The following ZBTB40 variants were observed in gnomAD, a reference collection of about 807,000 sequenced individuals.
ZBTB40 encodes the protein zinc finger and BTB domain containing 40, also known as zinc finger and BTB domain-containing protein 40.
Under a neutral mutation model 117.5 loss-of-function variants are expected in ZBTB40, and 60 were observed. That is an observed-to-expected ratio of 0.51 (90% CI 0.41 to 0.63). The LOEUF (loss-of-function observed/expected upper bound fraction) is 0.63. Ranked by LOEUF, ZBTB40 falls within the 30% of genes least tolerant of loss-of-function variation. The probability of loss-of-function intolerance (pLI) is 0.00; values close to 1 mark genes in which losing one functional copy is unlikely to be tolerated. For missense variants in ZBTB40, 1,287 were observed against 1,498.5 expected, an observed-to-expected ratio of 0.86 and a Z score of 2.33; for synonymous variants, 525 against 577.1, an observed-to-expected ratio of 0.91 and a Z score of 1.29.
intron 3 of ZBTB40, among the ~76,000 whole-genome samples, chr1:22,495,325 G>T (rs1638743642): frequency 6.6e-6 from 1 of 152,174 alleles, no homozygotes; most frequent in South Asian, 2.1e-4. Context: ...AAATCTCTTG[G>T]GTGCTGGGAT....
chr1:22,473,314 G>T (rs1641457573), intron 1 of ZBTB40, among the ~76,000 whole-genome samples: 1 of 152,110 alleles, frequency 6.6e-6, no homozygotes, highest in Non-Finnish European at 1.5e-5. Flanking sequence ...TGGATAAAGG[G>T]CATGAGCTTT....
upstream of ZBTB40, among the ~76,000 whole-genome samples, chr1:22,449,616 G>A (rs1640831691): frequency 6.6e-6 from 1 of 152,196 alleles, no homozygotes; most frequent in Non-Finnish European, 1.5e-5. Context: ...GTTGGGAGAT[G>A]TCTAAAACAA....
In ZBTB40 at chr1:22,512,059, G is replaced by A. The variant is rs756015752; in HGVS notation, c.2386G>A (p.Asp796Asn). The change falls in exon 11 of 18, where the codon GAT (aspartate) becomes AAT (asparagine). Residue 796 changes from aspartate to asparagine, a missense_variant. Coordinates refer to ENST00000375647, the MANE Select transcript of ZBTB40 (RefSeq NM_014870.4). ...LEAHGAGGEP[D>N]APKKKKKRLP... ...GGCCCATGGTGCAGGTGGAGAGCCC[G>A]ATGCCCCCAAGAAGAAGAAGAAGAG... 1.5e-5 allele frequency: 25 copies of A among 1,613,954 alleles called. No homozygotes were observed. Among genetic ancestry groups the A allele is most frequent in the Middle Eastern group, 1.7e-4 (1 of 5,972 alleles).
At chr1:22,467,994 C>T (rs368342917) in intron 1 of ZBTB40, among the ~76,000 whole-genome samples, 17 of 150,714 alleles carry the variant, frequency 1.1e-4, no homozygotes, top group African/African-American at 3.9e-4. Flanking sequence ...GAGGCTGATG[C>T]GGGAGGATTG....
intron 1 of ZBTB40, among the ~76,000 whole-genome samples, chr1:22,433,456 A>AAAAAAAAAAAT (rs1287606502): frequency 7.2e-6 from 1 of 139,700 alleles, no homozygotes; most frequent in Non-Finnish European, 1.6e-5. Flanking sequence ...AAAAAAAAAA[A>AAAAAAAAAAAT]AGACAGCTAA....
intron 1 of ZBTB40, among the ~76,000 whole-genome samples, chr1:22,468,114 T>C (rs1298862342): frequency 1.3e-5 from 2 of 151,116 alleles, no homozygotes; most frequent in African/African-American, 2.4e-5. Flanking sequence ...GAAAAGAAGC[T>C]AATACTTATT....
chr1:22,509,349 T>C (rs1639168455), intron 9 of ZBTB40, 116 bp downstream of exon 9: 2 of 1,469,880 alleles, frequency 1.4e-6, no homozygotes, highest in Non-Finnish European at 1.9e-6. Flanking sequence ...TTCTTTTTTT[T>C]TCCTTTTTCT....
At position 22,509,074 on chromosome 1, in the gene ZBTB40, G is replaced by A. The variant is rs1159203160; in HGVS notation, c.1700-26G>A. ...AAATGGTGCTCATTGTTTGCCTAAT[G>A]AGTTTTTGATCCCCCTTTTTTTCAG... is the stretch of plus-strand genomic sequence containing the variant. On this transcript the variant is annotated intron_variant, in intron 8 of 17. Coordinates refer to ENST00000375647, the MANE Select transcript of ZBTB40 (RefSeq NM_014870.4). 5.0e-6 allele frequency: 8 copies of A among 1,613,964 alleles called. No individual in the cohort carries two copies. The Admixed American group carries it at 1.3e-4, about 27-fold the overall frequency.
At chr1:22,436,703 A>C (rs1057398440) in intron 1 of ZBTB40, among the ~76,000 whole-genome samples, 1 of 152,090 alleles carries the variant, frequency 6.6e-6, no homozygotes, top group East Asian at 1.9e-4. Context: ...ATACACCTCA[A>C]CTACGTTATG....
intron 1 of ZBTB40, among the ~76,000 whole-genome samples, chr1:22,460,312 G>A (rs2124387885): frequency 6.6e-6 from 1 of 152,172 alleles, no homozygotes; most frequent in South Asian, 2.1e-4. Context: ...TTGATTCACT[G>A]GGTCATAGTA....
intron 1 of ZBTB40, among the ~76,000 whole-genome samples, chr1:22,453,648 T>G (rs1261849067): frequency 1.3e-5 from 2 of 152,238 alleles, no homozygotes; most frequent in African/African-American, 4.8e-5. Context: ...TACTATGACA[T>G]AAGTAGTATT....
At position 22,502,451 on chromosome 1, in the gene ZBTB40, T is replaced by C. The variant is rs1638963295; in HGVS notation, c.1167+10T>C. On this transcript the variant is annotated intron_variant, in intron 5 of 17. Coordinates refer to ENST00000375647, the MANE Select transcript of ZBTB40 (RefSeq NM_014870.4). ...TGGCACTGAAAAAAGGGTAACTGTG[T>C]CAAGTGTCTCCTCCCTCCTCCTGAA... is the stretch of plus-strand genomic sequence containing the variant. 1 of 1,613,854 alleles carries C rather than the reference T, an allele frequency of 6.2e-7. No individual in the cohort carries two copies. Among genetic ancestry groups the C allele is most frequent in the South Asian group, 1.1e-5 (1 of 91,076 alleles).
At chr1:22,499,080 G>T (rs1638856215) in intron 3 of ZBTB40, among the ~76,000 whole-genome samples, 1 of 152,238 alleles carries the variant, frequency 6.6e-6, no homozygotes, top group African/African-American at 2.4e-5. Flanking sequence ...TGCAGTCAAG[G>T]TGTCAGCCAG....
chr1:22,485,408 G>A (rs1638438567), intron 1 of ZBTB40, among the ~76,000 whole-genome samples: 1 of 151,974 alleles, frequency 6.6e-6, no homozygotes, highest in Non-Finnish European at 1.5e-5. Context: ...ATTTTATTTA[G>A]GTTATATTTG....
intron 1 of ZBTB40, among the ~76,000 whole-genome samples, chr1:22,430,437 A>T (rs904666749): frequency 5.3e-5 from 8 of 152,278 alleles, no homozygotes; most frequent in African/African-American, 1.7e-4. Context: ...ACAAATTTTT[A>T]AAAATTAGCT....
Position 22,522,573 on chromosome 1 carries a change from G to A in ZBTB40, c.3298+110G>A, listed in dbSNP as rs1639561243. The stretch of plus-strand genomic sequence containing the variant: ...AAATCGCTTAACAAACCTGTGCCTC[G>A]GTTTCTTCATCTATAAAATGGGAAC... On this transcript the variant is annotated intron_variant, in intron 16 of 17. Coordinates refer to ENST00000375647, the MANE Select transcript of ZBTB40 (RefSeq NM_014870.4). 9.6e-6 allele frequency: 10 copies of A among 1,040,904 alleles called. No individual in the cohort carries two copies. The Admixed American group carries it at 1.0e-4, about 11-fold the overall frequency. 64.5% of individuals were successfully genotyped at this position (1,040,904 alleles called of 1,614,324 possible). A position where few individuals can be genotyped will look rare whatever the true frequency, so the allele number is the denominator to read the frequency against.
intron 1 of ZBTB40, among the ~76,000 whole-genome samples, chr1:22,456,424 A>C (rs1254359907): frequency 6.6e-6 from 1 of 152,200 alleles, no homozygotes; most frequent in African/African-American, 2.4e-5. Context: ...AGAGATTGTT[A>C]ATCTCAGGGT....
rs376325770 is a variant in ZBTB40, at chr1:22,460,859, A to G, written c.-70+8855A>G. ...AGAAGACTCTAATAGTAGTCTTCCC[A>G]TCTACGAATTCACACCCAGATACTT... On this transcript the variant is annotated intron_variant, in intron 1 of 17. Transcript: ENST00000375647. Among the ~76,000 whole-genome samples the G allele has an allele frequency of 5.3e-5, 8 of 152,306 alleles. No homozygotes were observed. The East Asian group carries it at 1.3e-3, about 26-fold the overall frequency.
At chr1:22,519,194 T>C (rs888365534) in intron 13 of ZBTB40, among the ~76,000 whole-genome samples, 2 of 152,276 alleles carry the variant, frequency 1.3e-5, no homozygotes. Flanking sequence ...AAAGATTGGC[T>C]TGTGAGCAAA....
Sources: allele counts gnomAD v4.1 joint callset (sites outside exome capture counted in the v4.1 genomes callset), GRCh38; gene constraint gnomAD v4.1.1; transcripts MANE v1.5; gene names NCBI Gene and HGNC (gene_info 2026-07-23, HGNC 2026-07-21).